The following SLC43A1 variants were observed in gnomAD, a reference collection of about 807,000 sequenced individuals.
SLC43A1 encodes solute carrier family 43 member 1.
Under a neutral mutation model 59.5 loss-of-function variants are expected in SLC43A1, and 31 were observed. The observed-to-expected ratio is 0.52, with a 90% confidence interval of 0.39 to 0.70. SLC43A1 has a LOEUF of 0.70. Among genes scored for constraint, SLC43A1 ranks in the 30% least tolerant of loss-of-function variants. SLC43A1 has a pLI of 0.00. For synonymous variants in SLC43A1, 259 were observed against 290.9 expected, an observed-to-expected ratio of 0.89 and a Z score of 1.12; for missense variants, 598 against 717.8, an observed-to-expected ratio of 0.83 and a Z score of 1.91.
chr11:57,491,848 G>A lies in SLC43A1; in HGVS notation c.886C>T (p.Arg296Cys), dbSNP rs201650859. The change falls in exon 9 of 15, where the codon CGC (arginine) becomes TGC (cysteine). Residue 296 changes from arginine (R) to cysteine (C), a missense_variant. Coordinates refer to ENST00000278426, the MANE Select transcript of SLC43A1 (RefSeq NM_003627.6). ...ENLPERSVPL[R>C]KSLCSPTFLW... ...AAAGTGGGGGAGCAGAGGCTCTTGC[G>A]TAAGGGGACAGACCCTGGGGAGACA... 30 of 1,614,022 alleles carry A rather than the reference G, an allele frequency of 1.9e-5. No homozygotes were observed. Among genetic ancestry groups the A allele is most frequent in the Admixed American group, 8.3e-5 (5 of 60,004 alleles).
chr11:57,487,337 CGGGCTCTTTGCAT>C, intron 13 of SLC43A1, 119 bp from the exon 14 acceptor site: 1 of 1,279,144 alleles, frequency 7.8e-7, no homozygotes, highest in Non-Finnish European at 1.1e-6. Flanking sequence ...CTTAAGCGTT[CGGGCTCTTTGCAT>C]GGGCTCTTTG....
chr11:57,495,997 C>T (rs1333346560), intron 7 of SLC43A1, 34 bp downstream of exon 7: 2 of 1,610,680 alleles, frequency 1.2e-6, no homozygotes, highest in East Asian at 2.2e-5. Flanking sequence ...CCTCTCTGCC[C>T]CAGGGAGAGT....
chr11:57,498,389 C>T lies in SLC43A1; in HGVS notation c.466-544G>A, dbSNP rs372313604. The stretch of plus-strand genomic sequence containing the variant: ...CTGGGAGGTGGAGGTTGCAGTGAGC[C>T]GAGATCGCACCACTGCACTTTAGCC... On this transcript the variant is annotated intron_variant, in intron 5 of 14. Coordinates refer to ENST00000278426, the MANE Select transcript of SLC43A1 (RefSeq NM_003627.6). Among the ~76,000 whole-genome samples the T allele has an allele frequency of 4.6e-5, 7 of 151,940 alleles. No individual in the cohort carries two copies. In the South Asian group the frequency reaches 1.0e-3, roughly 23 times the overall value.
chr11:57,492,746 A>AC (rs1241289713), intron 8 of SLC43A1, among the ~76,000 whole-genome samples: 2 of 146,150 alleles, frequency 1.4e-5, no homozygotes, highest in African/African-American at 2.5e-5. Context: ...AAAAAAAAAA[A>AC]AAAAAAAAAA....
At chr11:57,505,368 C>T (rs1391132828) in intron 2 of SLC43A1, among the ~76,000 whole-genome samples, 5 of 151,924 alleles carry the variant, frequency 3.3e-5, no homozygotes, top group African/African-American at 4.8e-5. Context: ...AAACATTAGC[C>T]GGGTGTAGTG....
chr11:57,498,218 G>A (rs566090479), intron 5 of SLC43A1, among the ~76,000 whole-genome samples: 1 of 152,062 alleles, frequency 6.6e-6, no homozygotes, highest in Non-Finnish European at 1.5e-5. Flanking sequence ...AAGCTGGTGG[G>A]AAGCTTGAGG....
At chr11:57,513,124 A>C (rs1413467777) in intron 2 of SLC43A1, among the ~76,000 whole-genome samples, 1 of 152,204 alleles carries the variant, frequency 6.6e-6, no homozygotes, top group African/African-American at 2.4e-5. Context: ...TAAGGAACTC[A>C]CCGAAGTCAC....
Position 57,492,564 on chromosome 11 carries a change from ATATATATAT to A in SLC43A1, c.872-711_872-703del, listed in dbSNP as rs1430942142. On this transcript the variant is annotated intron_variant, in intron 8 of 14. Transcript: ENST00000278426. ...TATATATATATATATATATATATAT[ATATATATAT>A]AAAAAAATAAGCCAGGCATGGTTGT... Among the ~76,000 whole-genome samples, 11 of 31,812 alleles carry A rather than the reference ATATATATAT, an allele frequency of 3.5e-4. 1 individual carries two copies. In the East Asian group the frequency reaches 0.022, roughly 64 times the overall value. 20.9% of individuals were successfully genotyped at this position (31,812 alleles called of 152,430 possible). A position where few individuals can be genotyped will look rare whatever the true frequency, so the allele number is the denominator to read the frequency against.
At chr11:57,507,184 G>A (rs1014981757) in intron 2 of SLC43A1, among the ~76,000 whole-genome samples, 16 of 152,278 alleles carry the variant, frequency 1.1e-4, no homozygotes, top group Admixed American at 9.8e-4. Flanking sequence ...AAAATTAGCC[G>A]AGGCCAGGTG....
intron 7 of SLC43A1, chr11:57,494,532 T>TTA (rs1405134168): frequency 7.0e-6 from 2 of 287,208 alleles, no homozygotes; most frequent in African/African-American, 4.6e-5. Context: ...TGTACTTTTG[T>TTA]TATTAATGGG....
At chr11:57,489,485 G>A (rs758456871) in intron 11 of SLC43A1, 93 bp from the exon 12 acceptor site, 44 of 1,447,082 alleles carry the variant, frequency 3.0e-5, no homozygotes, top group Middle Eastern at 1.8e-4. Context: ...ATGTGCCTTC[G>A]ATGTCAGGGC....
chr11:57,492,268 A>G (rs1309809693), intron 8 of SLC43A1, among the ~76,000 whole-genome samples: 1 of 141,440 alleles, frequency 7.1e-6, no homozygotes, highest in African/African-American at 2.6e-5. Context: ...TTATATATAT[A>G]AATATACATA....
chr11:57,504,357 C>T (rs908148953), intron 2 of SLC43A1, among the ~76,000 whole-genome samples: 18 of 152,138 alleles, frequency 1.2e-4, no homozygotes, highest in African/African-American at 4.1e-4. Flanking sequence ...CCTGCTTTAC[C>T]CAATTATTAG....
chr11:57,486,331 AT>A (rs1256008803), intron 14 of SLC43A1, among the ~76,000 whole-genome samples: 1 of 151,778 alleles, frequency 6.6e-6, no homozygotes, highest in African/African-American at 2.4e-5. Context: ...TCTGTACAAA[AT>A]TTTTTTTTAA....
chr11:57,500,130 A>T (rs1421186577), intron 5 of SLC43A1, among the ~76,000 whole-genome samples: 1 of 152,020 alleles, frequency 6.6e-6, no homozygotes, highest in Non-Finnish European at 1.5e-5. Flanking sequence ...CACTCACATA[A>T]ATAAACACAC....
rs1452551877 is a variant in SLC43A1 at position 57,489,154 on chromosome 11, G to A, written c.1335+97C>T. 2.7e-6 allele frequency: 4 copies of A among 1,495,340 alleles called. No individual in the cohort carries two copies. In the African/African-American group the frequency reaches 5.5e-5, roughly 21 times the overall value. 92.6% of individuals were successfully genotyped at this position (1,495,340 alleles called of 1,614,324 possible). A position where few individuals can be genotyped will look rare whatever the true frequency, so the allele number is the denominator to read the frequency against. On this transcript the variant is annotated intron_variant, in intron 12 of 14. Transcript: ENST00000278426. ...CCCGGAAAATAGATCCAGATCAGAA[G>A]ACCAGAACTGCGCTTCCTGGAAGGC...
At chr11:57,493,686 G>A (rs1347951598) in intron 8 of SLC43A1, among the ~76,000 whole-genome samples, 1 of 152,176 alleles carries the variant, frequency 6.6e-6, no homozygotes, top group African/African-American at 2.4e-5. Context: ...GATGCAATAA[G>A]CTCAGAGGTT....
intron 2 of SLC43A1, among the ~76,000 whole-genome samples, chr11:57,509,701 GGA>G (rs1944485970): frequency 7.8e-6 from 1 of 127,752 alleles, no homozygotes; most frequent in Admixed American, 7.5e-5. Flanking sequence ...AGGGAGGGAG[GGA>G]GAGAGGGAGG....
chr11:57,507,899 A>G (rs1285874289), intron 2 of SLC43A1, among the ~76,000 whole-genome samples: 1 of 152,186 alleles, frequency 6.6e-6, no homozygotes, highest in Non-Finnish European at 1.5e-5. Flanking sequence ...GCTTACCCTC[A>G]TTTCATTTTC....
Sources: allele counts gnomAD v4.1 joint callset (sites outside exome capture counted in the v4.1 genomes callset), GRCh38; gene constraint gnomAD v4.1.1; transcripts MANE v1.5; gene names NCBI Gene and HGNC (gene_info 2026-07-23, HGNC 2026-07-21).